GCSAML: variants seen among roughly 807,000 people sequenced by gnomAD.
The protein encoded by GCSAML is germinal center associated signaling and motility like.
Under a neutral mutation model 13.0 loss-of-function variants are expected in GCSAML, and 9 were observed. That is an observed-to-expected ratio of 0.69 (90% CI 0.42 to 1.21). GCSAML has a LOEUF of 1.21. Ranked by LOEUF, GCSAML falls within the 50% of genes most tolerant of loss-of-function variation. GCSAML has a pLI of 0.00. For missense variants in GCSAML, 143 were observed against 153.4 expected, an observed-to-expected ratio of 0.93 and a Z score of 0.36; for synonymous variants, 37 against 52.9, an observed-to-expected ratio of 0.70 and a Z score of 1.31.
intron 2 of GCSAML, among the ~76,000 whole-genome samples, chr1:247,535,964 T>A (rs1041646628): frequency 3.3e-5 from 5 of 152,210 alleles, no homozygotes; most frequent in Non-Finnish European, 5.9e-5. Context: ...TTGTCTGAGT[T>A]AACTAGGCAG....
At chr1:247,531,397 C>G in intron 2 of GCSAML, 1 of 720,502 alleles carries the variant, frequency 1.4e-6, no homozygotes. Flanking sequence ...TTTTCTTGGT[C>G]TGGAAATGGC....
chr1:247,541,193 T>TC (rs1267783792), intron 2 of GCSAML, among the ~76,000 whole-genome samples: 1 of 150,114 alleles, frequency 6.7e-6, no homozygotes, highest in East Asian at 1.9e-4. Flanking sequence ...ATTTTTTTTT[T>TC]CCTATTGAAG....
chr1:247,535,797 G>A (rs563128685), intron 2 of GCSAML, among the ~76,000 whole-genome samples: 3 of 152,270 alleles, frequency 2.0e-5, no homozygotes, highest in East Asian at 1.9e-4. Flanking sequence ...CAAAAATAGC[G>A]TTTTCAGTAA....
In GCSAML at chr1:247,539,607, C is replaced by T. The variant is rs188022165; in HGVS notation, c.-147-9438C>T. Reference sequence around the variant, plus strand: ...AAACAAGTGACCGACTAAAAGCAAGCGACTAAAGCCAGTGAGGCAAGTTAA... The same window carrying T: ...AAACAAGTGACCGACTAAAAGCAAGTGACTAAAGCCAGTGAGGCAAGTTAA... On this transcript the variant is annotated intron_variant, in intron 2 of 5. Transcript: ENST00000366489. Among the ~76,000 whole-genome samples the T allele has an allele frequency of 3.6e-4, 55 of 152,222 alleles. No individual in the cohort carries two copies. The East Asian group carries it at 9.6e-3, about 27-fold the overall frequency.
chr1:247,550,237 G>A (rs1667720018), intron 1 of GCSAML, among the ~76,000 whole-genome samples: 2 of 152,152 alleles, frequency 1.3e-5, no homozygotes, highest in East Asian at 1.9e-4. Flanking sequence ...CAGCAGATTG[G>A]CTTCCCCACA....
Position 247,574,431 on chromosome 1 carries a change from T to C in GCSAML, c.*49T>C. ...TTCCAGCAATGAAGACAATGCAGAA[T>C]AGCAGACTCTGGCGAAGTTGTTCAC... On this transcript the variant is annotated 3_prime_UTR_variant, in exon 5 of 5. Coordinates refer to ENST00000366488, the MANE Select transcript of GCSAML (RefSeq NM_145278.5). The C allele has an allele frequency of 6.3e-7, 1 of 1,597,906 alleles. No homozygotes were observed. Among genetic ancestry groups the C allele is most frequent in the South Asian group, 1.1e-5 (1 of 88,426 alleles).
rs767330919 is a variant in GCSAML, at chr1:247,574,578, C to T, written c.*196C>T. 73 of 589,904 alleles carry T rather than the reference C, an allele frequency of 1.2e-4. No homozygotes were observed. The highest frequency in any genetic ancestry group is 9.6e-4 in the African/African-American group (52 of 53,912). 36.5% of individuals were successfully genotyped at this position (589,904 alleles called of 1,614,324 possible). ...GCTTAGGTGAAATCATAGAAATTGACACAATGACCTAAAATATTCTATGTG... is the reference window on the plus strand; with the variant it reads ...GCTTAGGTGAAATCATAGAAATTGATACAATGACCTAAAATATTCTATGTG... On this transcript the variant is annotated 3_prime_UTR_variant, in exon 5 of 5. Coordinates refer to ENST00000366488, the MANE Select transcript of GCSAML (RefSeq NM_145278.5).
Position 247,575,678 on chromosome 1 carries a change from C to T in GCSAML, c.*1296C>T, listed in dbSNP as rs2103087123. 1 of 152,188 alleles carries T rather than the reference C, an allele frequency of 6.6e-6. No individual in the cohort carries two copies. The highest frequency in any genetic ancestry group is 2.1e-4 in the South Asian group (1 of 4,824). The allele number at this position is 152,188 out of a possible 1,614,324, so 9.4% of individuals were successfully genotyped here. A position where few individuals can be genotyped will look rare whatever the true frequency, so the allele number is the denominator to read the frequency against. On this transcript the variant is annotated 3_prime_UTR_variant, in exon 5 of 5. Transcript: ENST00000366488. The stretch of plus-strand genomic sequence containing the variant: ...ATTGTCAATTTTTTCAATTTTCTAG[C>T]CAACAGAGAATCGAAGGATTCTGTT...
chr1:247,544,045 A>T lies in GCSAML; in HGVS notation c.-147-5000A>T, dbSNP rs146726006. Among the ~76,000 whole-genome samples the T allele has an allele frequency of 3.6e-3, 545 of 152,312 alleles. 4 individuals are homozygous for T. The highest frequency in any genetic ancestry group is 0.013 in the African/African-American group (526 of 41,566). Reference sequence around the variant, plus strand: ...AAACAATGGGCACCAGAGCATTGAAAAACAAGCTGAGTTGATCACTGATAA... The same window carrying T: ...AAACAATGGGCACCAGAGCATTGAATAACAAGCTGAGTTGATCACTGATAA... On this transcript the variant is annotated intron_variant, in intron 2 of 5. Coordinates refer to the GCSAML transcript ENST00000366489.
rs1321823463 is a variant in GCSAML at position 247,576,373 on chromosome 1, C to T, written c.*1991C>T. 6.6e-6 allele frequency: 1 copy of T among 151,996 alleles called. No individual in the cohort carries two copies. 9.4% of individuals were successfully genotyped at this position (151,996 alleles called of 1,614,324 possible). ...CAGACTGCACAACACAGTGAGACCTCGTTTCTACAAATAATTAAAAAATTA... is the reference window on the plus strand; with the variant it reads ...CAGACTGCACAACACAGTGAGACCTTGTTTCTACAAATAATTAAAAAATTA... On this transcript the variant is annotated 3_prime_UTR_variant, in exon 5 of 5. Transcript: ENST00000366488.
At chr1:247,566,038 A>T in intron 4 of GCSAML, 79 bp downstream of exon 4, 3 of 965,144 alleles carry the variant, frequency 3.1e-6, no homozygotes, top group Non-Finnish European at 4.6e-6. Flanking sequence ...CAAAATACAG[A>T]TGATTTATTC....
intron 1 of GCSAML, among the ~76,000 whole-genome samples, chr1:247,554,603 G>A (rs2103042520): frequency 6.6e-6 from 1 of 152,192 alleles, no homozygotes; most frequent in East Asian, 1.9e-4. Context: ...AAATAGTCTT[G>A]TGTAGCTTGC....
chr1:247,514,004 T>C, intron 1 of GCSAML, among the ~76,000 whole-genome samples: 1 of 152,010 alleles, frequency 6.6e-6, no homozygotes, highest in East Asian at 1.9e-4. Flanking sequence ...TTTTTTAAGA[T>C]GGAGTCTTGC....
intron 3 of GCSAML, among the ~76,000 whole-genome samples, chr1:247,564,889 C>T (rs1354856458): frequency 2.6e-5 from 4 of 152,042 alleles, no homozygotes; most frequent in African/African-American, 7.2e-5. Flanking sequence ...AAGACCCAAA[C>T]GTAAAACCCA....
In GCSAML at chr1:247,527,764, T is replaced by A. The variant is rs1666741350; in HGVS notation, c.-148+710T>A. The A allele has an allele frequency of 6.6e-6, 1 of 152,218 alleles. No individual in the cohort carries two copies. Among genetic ancestry groups the A allele is most frequent in the Admixed American group, 6.5e-5 (1 of 15,276 alleles). The allele number at this position is 152,218 out of a possible 1,614,324, so 9.4% of individuals were successfully genotyped here. A position where few individuals can be genotyped will look rare whatever the true frequency, so the allele number is the denominator to read the frequency against. Reference sequence around the variant, plus strand: ...TGCTGGGAACATTCAATATCCTCCTTCTAGCTGTTTGAAAATACAGAATAT... The same window carrying A: ...TGCTGGGAACATTCAATATCCTCCTACTAGCTGTTTGAAAATACAGAATAT... On this transcript the variant is annotated intron_variant, in intron 2 of 5. Coordinates refer to the GCSAML transcript ENST00000366489. The surrounding 1 kb of genome is among the most constrained non-coding windows in gnomAD (Gnocchi z 4.6).
intron 2 of GCSAML, chr1:247,538,710 G>A (rs544610413): frequency 2.2e-5 from 10 of 455,952 alleles, no homozygotes; most frequent in African/African-American, 1.8e-4. Flanking sequence ...CAAGCAGGCA[G>A]ATGGCTGCGA....
intron 1 of GCSAML, among the ~76,000 whole-genome samples, chr1:247,555,212 A>C (rs1667909158): frequency 6.6e-6 from 1 of 152,210 alleles, no homozygotes; most frequent in African/African-American, 2.4e-5. Flanking sequence ...TAAGTCAATG[A>C]ATCACTAATA....
chr1:247,563,510 C>G, intron 2 of GCSAML, 80 bp from the exon 3 acceptor site: 1 of 766,734 alleles, frequency 1.3e-6, no homozygotes, highest in Non-Finnish European at 2.2e-6. Flanking sequence ...AGGTTAAGGG[C>G]AACCAAATGC....
chr1:247,570,762 T>C (rs1668575346), intron 4 of GCSAML, among the ~76,000 whole-genome samples: 1 of 152,182 alleles, frequency 6.6e-6, no homozygotes, highest in Non-Finnish European at 1.5e-5. Context: ...CTGAATATCC[T>C]TGTTAATCTT....
Sources: allele counts gnomAD v4.1 joint callset (sites outside exome capture counted in the v4.1 genomes callset), GRCh38; gene constraint gnomAD v4.1.1; non-coding constraint Gnocchi (gnomAD v3.1); transcripts MANE v1.5; gene names NCBI Gene and HGNC (gene_info 2026-07-23, HGNC 2026-07-21).